The following RGS22 variants were observed in gnomAD, a reference collection of about 807,000 sequenced individuals.
The protein encoded by RGS22 is regulator of G-protein signaling 22.
RGS22 carries 148 observed loss-of-function variants against 172.9 expected under a neutral mutation model. That is an observed-to-expected ratio of 0.86 (90% CI 0.75 to 0.98). The LOEUF (loss-of-function observed/expected upper bound fraction) is 0.98. RGS22 is among the 50% of genes least tolerant of loss of function. The pLI is 0.00. For missense variants in RGS22, 1,347 were observed against 1,440.8 expected, an observed-to-expected ratio of 0.93 and a Z score of 1.05; for synonymous variants, 458 against 480.2, an observed-to-expected ratio of 0.95 and a Z score of 0.60.
chr8:100,023,195 T>A (rs955651877), intron 14 of RGS22, among the ~76,000 whole-genome samples: 4 of 152,298 alleles, frequency 2.6e-5, no homozygotes, highest in African/African-American at 9.6e-5. Flanking sequence ...GGTCTATGTT[T>A]ACCAGCACAC....
intron 23 of RGS22, among the ~76,000 whole-genome samples, chr8:99,975,943 A>T (rs1048723272): frequency 3.9e-5 from 6 of 152,176 alleles, no homozygotes; most frequent in Non-Finnish European, 2.9e-5. Flanking sequence ...TAATCCAAGC[A>T]CTTTGGGAGG....
chr8:100,079,225 T>C (rs1308710268), intron 4 of RGS22, among the ~76,000 whole-genome samples: 1 of 152,236 alleles, frequency 6.6e-6, no homozygotes, highest in Non-Finnish European at 1.5e-5. Context: ...AACAATTATA[T>C]AGTACTGTGT....
At chr8:100,038,001 A>G (rs1328459293) in intron 14 of RGS22, among the ~76,000 whole-genome samples, 1 of 152,204 alleles carries the variant, frequency 6.6e-6, no homozygotes, top group African/African-American at 2.4e-5. Context: ...AGTAACAGTG[A>G]ACATCCAGCG....
chr8:100,095,236 T>A (rs965970630), intron 2 of RGS22, among the ~76,000 whole-genome samples: 2 of 152,172 alleles, frequency 1.3e-5, no homozygotes, highest in African/African-American at 2.4e-5. Context: ...CAGGCTGGAG[T>A]GCAGTGGTGT....
chr8:100,025,581 C>G (rs143538665), intron 14 of RGS22, among the ~76,000 whole-genome samples: 2 of 152,170 alleles, frequency 1.3e-5, no homozygotes, highest in African/African-American at 4.8e-5. Context: ...AGAAGGAGAA[C>G]TTAGCTCGTG....
intron 18 of RGS22, among the ~76,000 whole-genome samples, chr8:100,001,236 AT>A (rs11299479): frequency 0.31 from 39,798 of 127,118 alleles, 6,468 homozygotes; most frequent in East Asian, 0.41. Context: ...ATATATATAC[AT>A]TTTTTTTTTT....
intron 9 of RGS22, among the ~76,000 whole-genome samples, chr8:100,053,627 G>GT (rs1563676128): frequency 6.6e-6 from 1 of 152,030 alleles, no homozygotes; most frequent in Non-Finnish European, 1.5e-5. Context: ...TAAAATTAAC[G>GT]TTTAAAACAT....
Position 100,071,384 on chromosome 8 carries a change from A to G in RGS22, c.579T>C (p.Tyr193=), listed in dbSNP as rs1447756460. The G allele has an allele frequency of 2.5e-6, 4 of 1,610,586 alleles. No individual in the cohort carries two copies. Among genetic ancestry groups the G allele is most frequent in the South Asian group, 2.2e-5 (2 of 90,132 alleles). The change falls in exon 6 of 28, where the codon TAT becomes TAC. Residue 193 remains tyrosine, a synonymous_variant. Coordinates refer to ENST00000360863, the MANE Select transcript of RGS22 (RefSeq NM_015668.5). ...EDNLVIMKKF[Y]VSLGEASYTQ... is the part of the protein sequence containing the mutation. ...ATACTTTTACCTCACCAAGTGATAC[A>G]TAGAACTTTTTCATAATTACAAGAT...
Position 99,987,446 on chromosome 8 carries a change from CCAATA to C in RGS22, c.3180+7_3180+11del, listed in dbSNP as rs1563578327. 3.2e-6 allele frequency: 5 copies of C among 1,571,460 alleles called. No homozygotes were observed. Among genetic ancestry groups the C allele is most frequent in the South Asian group, 1.2e-5 (1 of 83,534 alleles). On this transcript the variant is annotated splice_region_variant and intron_variant, in intron 21 of 27. Coordinates refer to ENST00000360863, the MANE Select transcript of RGS22 (RefSeq NM_015668.5). ...CAAAACAGGTGGTTTTCTCTAGCTC[CCAATA>C]CAATACCTTATATTTTTGTACTTCT...
intron 3 of RGS22, among the ~76,000 whole-genome samples, chr8:100,085,013 TA>T (rs1812061378): frequency 6.6e-6 from 1 of 152,160 alleles, no homozygotes; most frequent in African/African-American, 2.4e-5. Context: ...TTGGCTAAAC[TA>T]GAAACTACCC....
intron 14 of RGS22, among the ~76,000 whole-genome samples, chr8:100,025,977 T>C (rs929382278): frequency 6.6e-5 from 10 of 151,688 alleles, no homozygotes; most frequent in African/African-American, 1.9e-4. Context: ...GCTGCACCTG[T>C]GCTTTGTTCA....
At chr8:99,998,247 T>C (rs568245487) in intron 19 of RGS22, among the ~76,000 whole-genome samples, 4 of 152,346 alleles carry the variant, frequency 2.6e-5, no homozygotes, top group South Asian at 2.1e-4. Context: ...GTGTTTGCCA[T>C]GTGCCAGGCA....
intron 9 of RGS22, among the ~76,000 whole-genome samples, chr8:100,054,010 T>C (rs1307485611): frequency 1.3e-5 from 2 of 152,186 alleles, no homozygotes; most frequent in Non-Finnish European, 2.9e-5. Flanking sequence ...AAGCCTTAAA[T>C]TTGAAGGTAA....
intron 14 of RGS22, among the ~76,000 whole-genome samples, chr8:100,033,847 G>A (rs951457891): frequency 1.3e-5 from 2 of 152,078 alleles, no homozygotes; most frequent in South Asian, 4.1e-4. Context: ...CACATAAACA[G>A]AAACAATCAC....
At chr8:99,991,724 C>T (rs190567798) in intron 20 of RGS22, among the ~76,000 whole-genome samples, 57 of 152,234 alleles carry the variant, frequency 3.7e-4, no homozygotes, top group African/African-American at 1.4e-3. Flanking sequence ...ACTTCCCCAA[C>T]CCAGTAAGGC....
intron 14 of RGS22, among the ~76,000 whole-genome samples, chr8:100,014,220 C>T (rs534806399): frequency 1.4e-4 from 22 of 152,326 alleles, no homozygotes; most frequent in Middle Eastern, 3.4e-3. Context: ...CGACCATGTT[C>T]CTCCAGAGCC....
At chr8:100,052,733 CACAA>C (rs1171189705) in intron 10 of RGS22, 65 bp downstream of exon 10, 2 of 1,363,218 alleles carry the variant, frequency 1.5e-6, no homozygotes, top group African/African-American at 2.9e-5. Flanking sequence ...ATTATCAGTG[CACAA>C]ACACTCAAGC....
At chr8:100,101,443 ATTTTTTTT>A (rs57644659) in intron 2 of RGS22, among the ~76,000 whole-genome samples, 2 of 116,778 alleles carry the variant, frequency 1.7e-5, no homozygotes, top group African/African-American at 3.3e-5. Context: ...TGCCCAGCTA[ATTTTTTTT>A]TTTTTTTTTT....
At chr8:99,983,660 G>A (rs141733738) in intron 21 of RGS22, among the ~76,000 whole-genome samples, 41 of 152,232 alleles carry the variant, frequency 2.7e-4, no homozygotes, top group African/African-American at 8.2e-4. Context: ...AGTCACAGGT[G>A]TAGGACTATC....
Sources: gnomAD v4.1 joint callset for allele counts (sites outside exome capture counted in the v4.1 genomes callset) on GRCh38, gnomAD v4.1.1 for gene constraint, MANE v1.5 for transcripts, NCBI Gene and HGNC (gene_info 2026-07-23, HGNC 2026-07-21) for gene names.